The following CTTN variants were observed in gnomAD, a reference collection of about 807,000 sequenced individuals.
CTTN encodes the protein cortactin, also known as src substrate cortactin.
In CTTN, 28 loss-of-function variants were observed where a neutral mutation model predicts 84.0. The observed-to-expected ratio is 0.33, with a 90% CI of 0.25 to 0.46. The LOEUF (loss-of-function observed/expected upper bound fraction) is 0.46, where lower values mean the gene tolerates loss of function less well. Among genes scored for constraint, CTTN ranks in the 20% least tolerant of loss-of-function variants. CTTN has a pLI of 1.00. For missense variants in CTTN, 641 were observed against 723.8 expected, an observed-to-expected ratio of 0.89 and a Z score of 1.31; for synonymous variants, 301 against 288.8, an observed-to-expected ratio of 1.04 and a Z score of -0.43.
At chr11:70,424,160 G>A (rs141018205) in intron 12 of CTTN, among the ~76,000 whole-genome samples, 8 of 152,242 alleles carry the variant, frequency 5.3e-5, no homozygotes, top group East Asian at 1.9e-4. Context: ...GTAGGCACGC[G>A]GTCAGAGGAC....
intron 12 of CTTN, among the ~76,000 whole-genome samples, chr11:70,424,799 A>G (rs1371684445): frequency 6.6e-6 from 1 of 152,054 alleles, no homozygotes; most frequent in Non-Finnish European, 1.5e-5. Context: ...TTCTCATCAG[A>G]GGTAGTGAAA....
intron 1 of CTTN, among the ~76,000 whole-genome samples, chr11:70,402,897 C>T (rs2058003035): frequency 6.6e-6 from 1 of 152,196 alleles, no homozygotes; most frequent in Non-Finnish European, 1.5e-5. Context: ...TGAGGAACTG[C>T]CAGACCTTTT....
chr11:70,412,673 C>T (rs1021520128), intron 5 of CTTN, among the ~76,000 whole-genome samples: 4 of 152,176 alleles, frequency 2.6e-5, no homozygotes, highest in South Asian at 2.1e-4. Flanking sequence ...CTTTCCCTTG[C>T]GGCCAGCGGT....
At chr11:70,415,533 G>T (rs1299237754) in intron 6 of CTTN, 130 bp from the exon 7 acceptor site, 2 of 862,732 alleles carry the variant, frequency 2.3e-6, no homozygotes, top group Non-Finnish European at 3.9e-6. Context: ...ACCTGGCTTA[G>T]GAACCCAGAG....
intron 5 of CTTN, among the ~76,000 whole-genome samples, 195 bp from the exon 6 acceptor site, chr11:70,414,344 CAAA>C (rs369759667): frequency 7.4e-6 from 1 of 135,306 alleles, no homozygotes. Context: ...GACTCTGTCT[CAAA>C]AAAAAAAAAG....
intron 16 of CTTN, 27 bp downstream of exon 16, chr11:70,433,305 C>G: frequency 6.4e-7 from 1 of 1,573,638 alleles, no homozygotes; most frequent in Non-Finnish European, 8.6e-7. Flanking sequence ...CTGCAGCGCC[C>G]TGCCCAGGGC....
Position 70,436,334 on chromosome 11 carries a change from AGTCAGGTGGGCGGTGTGTCTTTCCAGAAG to A in CTTN, c.*1177_*1205del. 6.3e-7 allele frequency: 1 copy of A among 1,598,160 alleles called. No individual in the cohort carries two copies. The highest frequency in any genetic ancestry group is 1.1e-5 in the South Asian group (1 of 91,066). On this transcript the variant is annotated 3_prime_UTR_variant, in exon 18 of 18. Transcript: ENST00000301843. Reference sequence around the variant, plus strand: ...GGAGGCTGGACCAGTCCCGTCGTGCAGTCAGGTGGGCGGTGTGTCTTTCCAGAAGGTCACGTGGAAATGTCTCGGGACTT... The same window carrying A: ...GGAGGCTGGACCAGTCCCGTCGTGCAGTCACGTGGAAATGTCTCGGGACTT...
In CTTN at chr11:70,409,914, A is replaced by G. The variant is rs200945890; in HGVS notation, c.245A>G (p.His82Arg). ...CTTGAAACAGGACCAAAAGCTTCCC[A>G]TGGCTATGGAGGGAAATTTGGTGTG... Reference protein sequence around the residue: ...KELETGPKASHGYGGKFGVEQ... With the variant: ...KELETGPKASRGYGGKFGVEQ... The change falls in exon 5 of 18, where the codon CAT becomes CGT. Residue 82 changes from histidine (H) to arginine (R), a missense_variant. Around this residue, in one of 3 missense-constraint regions of CTTN, gnomAD observed 284 missense variants for 348.4 expected, o/e 0.82. Transcript: ENST00000301843. 1.2e-4 allele frequency: 189 copies of G among 1,613,968 alleles called. No individual in the cohort carries two copies. Among genetic ancestry groups the G allele is most frequent in the Non-Finnish European group, 1.4e-4 (170 of 1,180,000 alleles).
At chr11:70,410,066 C>T (rs2058082095) in intron 5 of CTTN, 106 bp downstream of exon 5, 1 of 1,255,904 alleles carries the variant, frequency 8.0e-7, no homozygotes, top group Non-Finnish European at 1.1e-6. Flanking sequence ...AGTTTTGAGT[C>T]CATCTGCTGA....
In CTTN at chr11:70,433,223, C is replaced by G; in HGVS notation, c.1389C>G (p.Ala463=). The stretch of plus-strand genomic sequence containing the variant: ...AGGCCAGCAGCCAGCAGGGCCTGGC[C>G]TATGCCACAGAGGCTGTCTATGAAA... ...YREASSQQGL[A]YATEAVYESA... is the part of the protein sequence containing the mutation. Residue 463 remains alanine, a synonymous_variant, in exon 16 of 18, where the codon GCC becomes GCG. Coordinates refer to ENST00000301843, the MANE Select transcript of CTTN (RefSeq NM_005231.4). The G allele has an allele frequency of 6.2e-7, 1 of 1,613,408 alleles. No individual in the cohort carries two copies. The highest frequency in any genetic ancestry group is 1.3e-5 in the African/African-American group (1 of 75,052).
rs147222758 is a variant in CTTN, at chr11:70,436,099, C to G, written c.*937C>G. The G allele has an allele frequency of 1.4e-6, 2 of 1,427,296 alleles. No homozygotes were observed. The highest frequency in any genetic ancestry group is 1.8e-6 in the Non-Finnish European group (2 of 1,096,406). The allele number at this position is 1,427,296 out of a possible 1,614,324, so 88.4% of individuals were successfully genotyped here. A position where few individuals can be genotyped will look rare whatever the true frequency, so the allele number is the denominator to read the frequency against. The stretch of plus-strand genomic sequence containing the variant: ...CAGTGCCTGCTCTGCTGTGAGCCGC[C>G]AGGAACCCTCCTCCTGTCAATGGGG... On this transcript the variant is annotated 3_prime_UTR_variant, in exon 18 of 18. Transcript: ENST00000301843.
chr11:70,433,044 A>G lies in CTTN; in HGVS notation c.1267-57A>G, dbSNP rs527489792. ...TTCTGCTGGCTGTGGCAGTACAGCTACTGCTCTCTAGAAGCCAGCATGGGC... is the reference window on the plus strand; with the variant it reads ...TTCTGCTGGCTGTGGCAGTACAGCTGCTGCTCTCTAGAAGCCAGCATGGGC... On this transcript the variant is annotated intron_variant, in intron 15 of 17. Coordinates refer to ENST00000301843, the MANE Select transcript of CTTN (RefSeq NM_005231.4). 1.0e-4 allele frequency: 156 copies of G among 1,548,778 alleles called. 1 individual carries two copies. Among genetic ancestry groups the G allele is most frequent in the African/African-American group, 8.5e-4 (62 of 73,224 alleles).
At position 70,433,107 on chromosome 11, in the gene CTTN, G is replaced by C; in HGVS notation, c.1273G>C (p.Ala425Pro). 1 of 1,613,220 alleles carries C rather than the reference G, an allele frequency of 6.2e-7. No homozygotes were observed. Among genetic ancestry groups the C allele is most frequent in the South Asian group, 1.1e-5 (1 of 91,062 alleles). The stretch of plus-strand genomic sequence containing the variant: ...GCGTGTGACCCTTCCCCAGGATGCG[G>C]CTTCCTTCAAGGCAGAGCTGAGCTA... ...LPSSPVYEDAASFKAELSYRG... is the reference protein window; with the variant it reads ...LPSSPVYEDAPSFKAELSYRG... Residue 425 changes from alanine to proline, a missense_variant, in exon 16 of 18, where the codon GCT becomes CCT. Ala to Pro is a conservative substitution (Grantham distance 27). Transcript: ENST00000301843.
At chr11:70,413,960 G>C (rs964437662) in intron 5 of CTTN, among the ~76,000 whole-genome samples, 3 of 152,162 alleles carry the variant, frequency 2.0e-5, no homozygotes, top group Admixed American at 6.5e-5. Flanking sequence ...TTCATGCCCG[G>C]TCGTGTCAGA....
intron 5 of CTTN, among the ~76,000 whole-genome samples, chr11:70,412,855 C>A (rs1385750342): frequency 3.3e-5 from 5 of 152,212 alleles, no homozygotes; most frequent in Non-Finnish European, 5.9e-5. Flanking sequence ...GAATCCCTTT[C>A]AATCAAAAAG....
In CTTN at chr11:70,411,944, C is replaced by G. The variant is rs188589263; in HGVS notation, c.291+1984C>G. On this transcript the variant is annotated intron_variant, in intron 5 of 17. Transcript: ENST00000301843. ...CTGGCTCAGTGCCACGTGCCCCCCC[C>G]TTAGGCCAGTGCTCTCATGGAACCA... 5.8e-3 allele frequency among the ~76,000 whole-genome samples: 889 copies of G among 152,334 alleles called. 5 individuals are homozygous for G. The highest frequency in any genetic ancestry group is 0.021 in the African/African-American group (854 of 41,586).
intron 10 of CTTN, 143 bp downstream of exon 10, chr11:70,420,653 C>A: frequency 3.0e-6 from 2 of 677,828 alleles, no homozygotes; most frequent in East Asian, 2.7e-5. Flanking sequence ...GTGTGCCCCC[C>A]CAATCCCCCA....
At chr11:70,420,654 C>CA in intron 10 of CTTN, 144 bp downstream of exon 10, 1 of 677,852 alleles carries the variant, frequency 1.5e-6, no homozygotes, top group Non-Finnish European at 2.7e-6. Flanking sequence ...TGTGCCCCCC[C>CA]AATCCCCCAG....
intron 5 of CTTN, among the ~76,000 whole-genome samples, chr11:70,411,210 T>C (rs1366075079): frequency 5.6e-5 from 8 of 141,850 alleles, no homozygotes; most frequent in Non-Finnish European, 1.1e-4. Context: ...ACGGAATCCA[T>C]GTGTTCAGTG....
Sources: allele counts gnomAD v4.1 joint callset (sites outside exome capture counted in the v4.1 genomes callset), GRCh38; gene constraint gnomAD v4.1.1; regional missense constraint gnomAD v4.1.1; transcripts MANE v1.5; gene names NCBI Gene and HGNC (gene_info 2026-07-23, HGNC 2026-07-21).